The following ABTB3 variants were observed in gnomAD, a reference collection of about 807,000 sequenced individuals.
ABTB3 encodes ankyrin repeat- and BTB/POZ domain-containing protein 3.
At chr12:107,343,308 C>G in the ABTB3 span, among the ~76,000 whole-genome samples, 2 of 152,206 alleles carry the variant, frequency 1.3e-5, no homozygotes, top group African/African-American at 4.8e-5. Context: ...GCCACCATGT[C>G]TGACCTCTTC....
chr12:107,589,991 C>A, the ABTB3 span, among the ~76,000 whole-genome samples: 2 of 152,164 alleles, frequency 1.3e-5, no homozygotes, highest in Non-Finnish European at 1.5e-5. Flanking sequence ...CTCACTGCAA[C>A]CTCCACCTCC....
At chr12:107,620,309 C>T in the ABTB3 span, 20 of 1,065,958 alleles carry the variant, frequency 1.9e-5, no homozygotes, top group East Asian at 1.5e-4. Context: ...GCCCAGCAGA[C>T]GAAAGCTACC....
At chr12:107,364,370 C>T in the ABTB3 span, among the ~76,000 whole-genome samples, 31 of 151,892 alleles carry the variant, frequency 2.0e-4, 1 homozygote, top group African/African-American at 7.5e-4. Context: ...CTCACTGCAA[C>T]CTCTGCCTCC....
At chr12:107,358,435 T>C in the ABTB3 span, among the ~76,000 whole-genome samples, 1 of 152,154 alleles carries the variant, frequency 6.6e-6, no homozygotes, top group Non-Finnish European at 1.5e-5. Flanking sequence ...TGAGGAGGCC[T>C]GCTGGAGTGC....
chr12:107,575,443 G>T, the ABTB3 span, among the ~76,000 whole-genome samples: 1 of 152,080 alleles, frequency 6.6e-6, no homozygotes, highest in African/African-American at 2.4e-5. Context: ...CTGTTTATTT[G>T]TTCCCTGTGA....
chr12:107,594,723 A>G, the ABTB3 span, among the ~76,000 whole-genome samples: 1 of 152,100 alleles, frequency 6.6e-6, no homozygotes, highest in Non-Finnish European at 1.5e-5. Flanking sequence ...GAGGGGGGCC[A>G]GTATCCGAGT....
At chr12:107,511,100 G>A in the ABTB3 span, among the ~76,000 whole-genome samples, 2 of 152,118 alleles carry the variant, frequency 1.3e-5, no homozygotes, top group African/African-American at 4.8e-5. Context: ...ACCCCCAGGA[G>A]AGTCATTTTA....
the ABTB3 span, among the ~76,000 whole-genome samples, chr12:107,519,409 G>C: frequency 6.8e-6 from 1 of 146,724 alleles, no homozygotes; most frequent in Non-Finnish European, 1.5e-5. Flanking sequence ...CACAGCCTCT[G>C]CCTCTCAGAT....
At chr12:107,476,211 G>A in the ABTB3 span, among the ~76,000 whole-genome samples, 1 of 152,168 alleles carries the variant, frequency 6.6e-6, no homozygotes, top group South Asian at 2.1e-4. Flanking sequence ...TCCTGATGAG[G>A]CTTCCTGGGG....
At chr12:107,622,888 G>A in the ABTB3 span, among the ~76,000 whole-genome samples, 2 of 152,048 alleles carry the variant, frequency 1.3e-5, no homozygotes, top group African/African-American at 2.4e-5. Flanking sequence ...CACCATTATT[G>A]GTTTGTGCTC....
At chr12:107,442,329 T>C in the ABTB3 span, among the ~76,000 whole-genome samples, 3 of 152,226 alleles carry the variant, frequency 2.0e-5, no homozygotes, top group Non-Finnish European at 4.4e-5. Context: ...CTCAAATAAC[T>C]TTCCTCCTTT....
the ABTB3 span, among the ~76,000 whole-genome samples, chr12:107,475,985 G>T: frequency 6.6e-6 from 1 of 152,182 alleles, no homozygotes; most frequent in African/African-American, 2.4e-5. Context: ...GATATTGGTT[G>T]TTGGTGACTA....
chr12:107,520,718 A>C, the ABTB3 span: 1 of 1,549,344 alleles, frequency 6.5e-7, no homozygotes, highest in East Asian at 2.3e-5. Flanking sequence ...TCCTCATGCC[A>C]ACCCCTCAGG....
At chr12:107,359,573 T>G in the ABTB3 span, among the ~76,000 whole-genome samples, 1 of 152,142 alleles carries the variant, frequency 6.6e-6, no homozygotes, top group Non-Finnish European at 1.5e-5. Context: ...AGATGAGCAC[T>G]GCAGCCTGTC....
At chr12:107,328,045 T>C in the ABTB3 span, among the ~76,000 whole-genome samples, 1 of 152,172 alleles carries the variant, frequency 6.6e-6, no homozygotes, top group South Asian at 2.1e-4. Flanking sequence ...CTCAGTCACA[T>C]GGCCTCCACT....
the ABTB3 span, among the ~76,000 whole-genome samples, chr12:107,465,565 G>T: frequency 6.6e-6 from 1 of 152,162 alleles, no homozygotes; most frequent in Non-Finnish European, 1.5e-5. Flanking sequence ...ATTCTGAACA[G>T]TGTGGGCGTC....
At chr12:107,472,333 G>A in the ABTB3 span, among the ~76,000 whole-genome samples, 16 of 152,284 alleles carry the variant, frequency 1.1e-4, no homozygotes, top group East Asian at 5.8e-4. Context: ...ATCGGCAAAC[G>A]GAACCGGGGA....
chr12:107,400,149 C>T, the ABTB3 span, among the ~76,000 whole-genome samples: 4 of 152,136 alleles, frequency 2.6e-5, no homozygotes, highest in Non-Finnish European at 5.9e-5. Flanking sequence ...AATAAACATT[C>T]GTGTGCATGT....
the ABTB3 span, among the ~76,000 whole-genome samples, chr12:107,629,382 C>G: frequency 6.6e-6 from 1 of 152,092 alleles, no homozygotes; most frequent in African/African-American, 2.4e-5. Context: ...GGGGTTGCAC[C>G]ATTGCACTTC....
Sources: gnomAD v4.1 joint callset for allele counts (sites outside exome capture counted in the v4.1 genomes callset) on GRCh38, gnomAD v4.1.1 for gene constraint, MANE v1.5 for transcripts, NCBI Gene and HGNC (gene_info 2026-07-23, HGNC 2026-07-21) for gene names.